Variants in FAT4 observed in about 807,000 individuals in gnomAD.
FAT4 encodes protocadherin Fat 4.
A neutral mutation model predicts 303.9 loss-of-function variants in FAT4; 84 were observed. That is an observed-to-expected ratio of 0.28 (90% confidence interval 0.23 to 0.33). FAT4 has a LOEUF of 0.33. Ranked by LOEUF, FAT4 falls within the 10% of genes least tolerant of loss-of-function variation. The pLI is 1.00. For synonymous variants in FAT4, 2,307 were observed against 2,298.8 expected (o/e 1.00, Z -0.10); for missense variants, 6,005 against 6,146.8 (o/e 0.98, Z 0.77).
At position 125,406,940 on chromosome 4, in the gene FAT4, G is replaced by A. The variant is rs1355201507; in HGVS notation, c.5368G>A (p.Asp1790Asn). ...ISGADDSFRI[D>N]PESGDLIATR... ...TGGAGCTGATGATAGTTTTCGCATC[G>A]ACCCAGAATCCGGAGATCTGATAGC... The change falls in exon 4 of 18, where the codon GAC becomes AAC. Residue 1790 changes from aspartate (D) to asparagine (N), a missense_variant. Physicochemically the swap from Asp to Asn is conservative, Grantham distance 23. Coordinates refer to ENST00000394329, the MANE Select transcript of FAT4 (RefSeq NM_001291303.3). The A allele has an allele frequency of 4.3e-6, 7 of 1,613,714 alleles. No individual in the cohort carries two copies. The highest frequency in any genetic ancestry group is 1.3e-5 in the African/African-American group (1 of 74,958).
intron 17 of FAT4, 84 bp downstream of exon 17, chr4:125,487,690 A>C (rs1727460189): frequency 7.4e-7 from 1 of 1,355,384 alleles, no homozygotes; most frequent in Admixed American, 2.6e-5. Flanking sequence ...GCAAGACTAC[A>C]CATTTAACAT....
rs61411789 is a variant in FAT4 at position 125,453,704 on chromosome 4, T to TA, written c.11800+910dup. Among the ~76,000 whole-genome samples the TA allele has an allele frequency of 7.3e-3, 1,053 of 144,922 alleles. 3 individuals are homozygous for TA. Among genetic ancestry groups the TA allele is most frequent in the African/African-American group, 0.011 (434 of 39,694 alleles). ...CTGGCAACAGAGCAAGACTCTGTCT[T>TA]AAAAAAAAAAAAAAAATGGTGTGTT... is the stretch of plus-strand genomic sequence containing the variant. On this transcript the variant is annotated intron_variant, in intron 10 of 17. Coordinates refer to ENST00000394329, the MANE Select transcript of FAT4 (RefSeq NM_001291303.3).
At chr4:125,355,130 G>A (rs1449821237) in intron 2 of FAT4, among the ~76,000 whole-genome samples, 2 of 151,808 alleles carry the variant, frequency 1.3e-5, no homozygotes, top group Non-Finnish European at 2.9e-5. Flanking sequence ...TTTAATTTTA[G>A]AGAACCTTCA....
intron 7 of FAT4, among the ~76,000 whole-genome samples, chr4:125,425,856 G>T (rs554494340): frequency 3.3e-5 from 5 of 152,068 alleles, no homozygotes; most frequent in Admixed American, 2.6e-4. Flanking sequence ...TAAAGTATTT[G>T]TGTGTCAGCA....
chr4:125,481,092 T>C (rs1428910940), intron 15 of FAT4, among the ~76,000 whole-genome samples: 1 of 152,160 alleles, frequency 6.6e-6, no homozygotes, highest in Non-Finnish European at 1.5e-5. Context: ...TGAACACTTC[T>C]TTGTCCTAAT....
At chr4:125,446,119 C>A in intron 8 of FAT4, 174 bp from the exon 9 acceptor site, 1 of 554,614 alleles carries the variant, frequency 1.8e-6, no homozygotes. Flanking sequence ...ATGTGATGTT[C>A]ACAGAAAATT....
chr4:125,426,505 A>G (rs1051928745), intron 7 of FAT4, among the ~76,000 whole-genome samples: 1 of 152,002 alleles, frequency 6.6e-6, no homozygotes, highest in Non-Finnish European at 1.5e-5. Context: ...AATTCCTCTT[A>G]TTTGTAGCAG....
intron 2 of FAT4, among the ~76,000 whole-genome samples, chr4:125,383,709 G>A (rs77113927): frequency 2.6e-5 from 4 of 152,168 alleles, no homozygotes; most frequent in Admixed American, 2.6e-4. Flanking sequence ...AATGAAACAT[G>A]GTTTTCCAGT....
rs546319236 is a variant in FAT4, at chr4:125,406,748, G to C, written c.5308-132G>C. On this transcript the variant is annotated intron_variant, in intron 3 of 17. Coordinates refer to ENST00000394329, the MANE Select transcript of FAT4 (RefSeq NM_001291303.3). ...TTAGTAAGTTTATCTCTCATTACCT[G>C]TTTAAGTCTTATAATATCATATGAA... 3 of 956,410 alleles carry C rather than the reference G, an allele frequency of 3.1e-6. No homozygotes were observed. The East Asian group carries it at 7.4e-5, about 24-fold the overall frequency. The allele number at this position is 956,410 out of a possible 1,614,324, so 59.2% of individuals were successfully genotyped here. A position where few individuals can be genotyped will look rare whatever the true frequency, so the allele number is the denominator to read the frequency against.
intron 2 of FAT4, among the ~76,000 whole-genome samples, chr4:125,335,166 C>A (rs189321043): frequency 1.3e-5 from 2 of 152,256 alleles, no homozygotes; most frequent in East Asian, 3.9e-4. Flanking sequence ...AAACTGAACA[C>A]AGATGGCTGT....
At chr4:125,381,545 T>G (rs889574942) in intron 2 of FAT4, among the ~76,000 whole-genome samples, 3 of 152,220 alleles carry the variant, frequency 2.0e-5, no homozygotes, top group African/African-American at 7.2e-5. Flanking sequence ...TAAAAATACT[T>G]TATGCTAATA....
chr4:125,439,346 T>TTTTTGAGA (rs1406918950), intron 8 of FAT4, among the ~76,000 whole-genome samples: 2 of 151,592 alleles, frequency 1.3e-5, no homozygotes, highest in African/African-American at 2.4e-5. Flanking sequence ...TTTTTTTTTT[T>TTTTTGAGA]TTTTGAGATG....
intron 10 of FAT4, 137 bp downstream of exon 10, chr4:125,452,947 T>TCTA: frequency 1.8e-6 from 2 of 1,129,246 alleles, no homozygotes; most frequent in Non-Finnish European, 2.5e-6. Context: ...CATTTACTGT[T>TCTA]GGTCAAATAC....
intron 2 of FAT4, among the ~76,000 whole-genome samples, chr4:125,355,960 G>A (rs1265773712): frequency 6.6e-6 from 1 of 151,980 alleles, no homozygotes; most frequent in Admixed American, 6.6e-5. Context: ...TATCCTATAA[G>A]TAGCAGCCCT....
At chr4:125,360,933 A>ATTT (rs1270104995) in intron 2 of FAT4, among the ~76,000 whole-genome samples, 2 of 93,034 alleles carry the variant, frequency 2.1e-5, no homozygotes, top group Non-Finnish European at 4.8e-5. Context: ...TTATTTATTT[A>ATTT]TTTTATTATT....
At position 125,316,724 on chromosome 4, in the gene FAT4, G is replaced by A. The variant is rs1730617420; in HGVS notation, c.313G>A (p.Val105Met). The change falls in exon 2 of 18, where the codon GTG (valine) becomes ATG (methionine). Residue 105 changes from valine (V) to methionine (M), a missense_variant. Transcript: ENST00000394329. This position sits in a 1 kb window ranked among gnomAD's most constrained non-coding sequence, Gnocchi z 5.7. ...TIDRESLPSDVINLVVLSSAP... is the reference protein window; with the variant it reads ...TIDRESLPSDMINLVVLSSAP... ...CGACCGCGAGAGCCTGCCCAGCGAC[G>A]TGATCAACCTGGTGGTCCTTTCCAG... 1.2e-6 allele frequency: 2 copies of A among 1,613,784 alleles called. No individual in the cohort carries two copies. The highest frequency in any genetic ancestry group is 1.3e-5 in the African/African-American group (1 of 74,922).
intron 2 of FAT4, among the ~76,000 whole-genome samples, chr4:125,355,551 G>T (rs1732392983): frequency 6.6e-6 from 1 of 151,830 alleles, no homozygotes; most frequent in Non-Finnish European, 1.5e-5. Context: ...GTTAACTTAC[G>T]CTTTCTTATC....
chr4:125,390,773 T>C (rs1421517024), intron 2 of FAT4, among the ~76,000 whole-genome samples: 2 of 152,172 alleles, frequency 1.3e-5, no homozygotes, highest in East Asian at 3.9e-4. Flanking sequence ...AGATGGGCAA[T>C]GTGTAGGACC....
At chr4:125,393,163 T>G (rs1019536081) in intron 2 of FAT4, among the ~76,000 whole-genome samples, 12 of 152,226 alleles carry the variant, frequency 7.9e-5, no homozygotes, top group Non-Finnish European at 1.6e-4. Flanking sequence ...AGAACCATTT[T>G]ATGTAGATTG....
Sources: gnomAD v4.1 joint callset for allele counts (sites outside exome capture counted in the v4.1 genomes callset) on GRCh38, gnomAD v4.1.1 for gene constraint, Gnocchi (gnomAD v3.1) non-coding constraint, MANE v1.5 for transcripts, NCBI Gene and HGNC (gene_info 2026-07-23, HGNC 2026-07-21) for gene names.